Variants in GRM7 observed in about 807,000 individuals in gnomAD.
GRM7 encodes the protein metabotropic glutamate receptor 7.
A neutral mutation model predicts 84.5 loss-of-function variants in GRM7; 35 were observed. The observed-to-expected ratio is 0.41, with a 90% CI of 0.32 to 0.55. The LOEUF (loss-of-function observed/expected upper bound fraction) is 0.55, where lower values mean the gene tolerates loss of function less well. GRM7 is among the 20% of genes least tolerant of loss of function. The pLI, the probability that GRM7 is intolerant of heterozygous loss-of-function variation, is 0.19. For missense variants in GRM7, 1,003 were observed against 1,194.6 expected, an observed-to-expected ratio of 0.84 and a Z score of 2.36; for synonymous variants, 487 against 455.1, an observed-to-expected ratio of 1.07 and a Z score of -0.89.
At chr3:7,695,864 CAT>C (rs1368912483) in intron 9 of GRM7, among the ~76,000 whole-genome samples, 3 of 152,124 alleles carry the variant, frequency 2.0e-5, no homozygotes, top group Admixed American at 2.0e-4. Context: ...CATCAACTGA[CAT>C]ATAGTTGTCA....
At chr3:7,187,183 C>T (rs1226712411) in intron 2 of GRM7, among the ~76,000 whole-genome samples, 1 of 145,190 alleles carries the variant, frequency 6.9e-6, no homozygotes, top group African/African-American at 2.8e-5. Flanking sequence ...TATGCCCATG[C>T]TACTGCAGGA....
chr3:7,134,132 T>C (rs1271975209), intron 1 of GRM7, among the ~76,000 whole-genome samples: 1 of 152,180 alleles, frequency 6.6e-6, no homozygotes, highest in African/African-American at 2.4e-5. Context: ...GTATTTCATC[T>C]TAACCCTGTG....
intron 1 of GRM7, among the ~76,000 whole-genome samples, chr3:6,964,335 T>G (rs1195685122): frequency 6.6e-6 from 1 of 152,156 alleles, no homozygotes; most frequent in Non-Finnish European, 1.5e-5. Flanking sequence ...CTTATCATTG[T>G]ATCCTCACTT....
At chr3:6,974,013 A>G (rs1004412335) in intron 1 of GRM7, among the ~76,000 whole-genome samples, 20 of 152,224 alleles carry the variant, frequency 1.3e-4, no homozygotes, top group Admixed American at 2.6e-4. Context: ...CAGGAGGGAT[A>G]TGATGGTAGC....
At chr3:7,114,238 G>T (rs895940316) in intron 1 of GRM7, among the ~76,000 whole-genome samples, 1 of 152,218 alleles carries the variant, frequency 6.6e-6, no homozygotes, top group East Asian at 1.9e-4. Flanking sequence ...TTGCTGTCAG[G>T]CTACTTAACA....
intron 1 of GRM7, among the ~76,000 whole-genome samples, chr3:7,061,577 T>C (rs4263270): frequency 0.03 from 4,499 of 151,754 alleles, 172 homozygotes; most frequent in African/African-American, 0.09. Context: ...TTACCCTTTC[T>C]TTTTGGGAAC....
intron 2 of GRM7, among the ~76,000 whole-genome samples, chr3:7,268,279 A>T (rs1698722273): frequency 7.0e-6 from 1 of 142,824 alleles, no homozygotes; most frequent in South Asian, 2.3e-4. Flanking sequence ...AGGAGAGAGG[A>T]TCTCTACAAA....
chr3:6,998,331 G>T (rs1031342489), intron 1 of GRM7, among the ~76,000 whole-genome samples: 3 of 152,094 alleles, frequency 2.0e-5, no homozygotes, highest in African/African-American at 4.8e-5. Context: ...GCAAGAGGTG[G>T]GCTGTCATGA....
chr3:7,422,625 T>C (rs1383831139), intron 5 of GRM7, among the ~76,000 whole-genome samples: 1 of 152,180 alleles, frequency 6.6e-6, no homozygotes, highest in African/African-American at 2.4e-5. Flanking sequence ...TCCATTATTT[T>C]TTGTATATGG....
chr3:7,099,083 G>T (rs572161030), intron 1 of GRM7, among the ~76,000 whole-genome samples: 2 of 151,382 alleles, frequency 1.3e-5, no homozygotes, highest in South Asian at 4.2e-4. Flanking sequence ...CTTGTTTCAG[G>T]CATAATGTTC....
At chr3:7,088,167 G>T (rs1416822991) in intron 1 of GRM7, among the ~76,000 whole-genome samples, 1 of 152,146 alleles carries the variant, frequency 6.6e-6, no homozygotes, top group Non-Finnish European at 1.5e-5. Flanking sequence ...TATTCCAGCC[G>T]TCTAAGCTTC....
intron 1 of GRM7, among the ~76,000 whole-genome samples, chr3:6,976,111 C>G (rs1693983549): frequency 6.6e-6 from 1 of 152,158 alleles, no homozygotes; most frequent in Admixed American, 6.5e-5. Context: ...CTCCCCACAC[C>G]TGGCCCACTT....
intron 4 of GRM7, among the ~76,000 whole-genome samples, chr3:7,340,888 G>A (rs973583481): frequency 3.9e-5 from 6 of 152,098 alleles, no homozygotes; most frequent in African/African-American, 1.4e-4. Context: ...GGAATTACGT[G>A]TCTGCATCAA....
chr3:7,012,743 T>C (rs755159870), intron 1 of GRM7, among the ~76,000 whole-genome samples: 1 of 152,082 alleles, frequency 6.6e-6, no homozygotes, highest in Non-Finnish European at 1.5e-5. Context: ...CCCAGTTTAT[T>C]TGTGTGTTTG....
intron 2 of GRM7, among the ~76,000 whole-genome samples, chr3:7,264,839 C>T (rs1433800423): frequency 2.0e-5 from 3 of 147,556 alleles, no homozygotes; most frequent in Non-Finnish European, 3.0e-5. Flanking sequence ...AGAGTTACCT[C>T]GGGTCTCCTA....
At chr3:7,450,535 G>A (rs1697722492) in intron 5 of GRM7, among the ~76,000 whole-genome samples, 3 of 152,066 alleles carry the variant, frequency 2.0e-5, no homozygotes, top group Non-Finnish European at 4.4e-5. Flanking sequence ...GTTATTCTAA[G>A]AATGTTATCT....
At chr3:7,341,440 A>C (rs1692626837) in intron 4 of GRM7, among the ~76,000 whole-genome samples, 1 of 151,954 alleles carries the variant, frequency 6.6e-6, no homozygotes, top group Admixed American at 6.6e-5. Flanking sequence ...TTAAATAAAG[A>C]AGAAGTCATG....
chr3:7,233,716 C>T (rs1161832404), intron 2 of GRM7, among the ~76,000 whole-genome samples: 1 of 152,212 alleles, frequency 6.6e-6, no homozygotes, highest in South Asian at 2.1e-4. Context: ...ATTTAGTTTG[C>T]ACGGAGTGTG....
chr3:7,445,229 C>G (rs946721231), intron 5 of GRM7, among the ~76,000 whole-genome samples: 8 of 152,026 alleles, frequency 5.3e-5, no homozygotes, highest in African/African-American at 1.9e-4. Context: ...ACTTATGGCT[C>G]TAAACTAATA....
Sources: gnomAD v4.1 joint callset for allele counts (sites outside exome capture counted in the v4.1 genomes callset) on GRCh38, gnomAD v4.1.1 for gene constraint, MANE v1.5 for transcripts, NCBI Gene and HGNC (gene_info 2026-07-23, HGNC 2026-07-21) for gene names.